HPSE2: variants seen among roughly 807,000 people sequenced by gnomAD.
HPSE2 encodes heparanase 2 (inactive).
A neutral mutation model predicts 60.5 loss-of-function variants in HPSE2; 38 were observed. That is an observed-to-expected ratio of 0.63 (90% CI 0.48 to 0.82). HPSE2 has a LOEUF of 0.82. Ranked by LOEUF, HPSE2 falls within the 40% of genes least tolerant of loss-of-function variation. HPSE2 has a pLI of 0.00. For synonymous variants in HPSE2, 295 were observed against 293.2 expected (o/e 1.01, Z -0.06); for missense variants, 713 against 740.4 (o/e 0.96, Z 0.43).
At chr10:99,313,889 G>A in the HPSE2 span, among the ~76,000 whole-genome samples, 8 of 151,884 alleles carry the variant, frequency 5.3e-5, no homozygotes, top group South Asian at 1.0e-3. Flanking sequence ...ATGAGTCACC[G>A]CGCCCAGCTG....
intron 3 of HPSE2, among the ~76,000 whole-genome samples, chr10:98,834,818 C>G (rs941659785): frequency 3.3e-5 from 5 of 151,338 alleles, no homozygotes; most frequent in African/African-American, 1.2e-4. Flanking sequence ...TTCTATTAGG[C>G]CAGGCTTTAA....
At chr10:99,046,536 C>A in intron 3 of HPSE2, among the ~76,000 whole-genome samples, 1 of 152,048 alleles carries the variant, frequency 6.6e-6, no homozygotes. Context: ...AGACATCAAA[C>A]TCTCTCTCTT....
intron 9 of HPSE2, among the ~76,000 whole-genome samples, chr10:98,589,779 A>G (rs1248646032): frequency 6.6e-6 from 1 of 152,212 alleles, no homozygotes; most frequent in Non-Finnish European, 1.5e-5. Flanking sequence ...GTAACTTCAC[A>G]CTGTTAACAC....
At chr10:98,747,624 T>C (rs887555548) in intron 3 of HPSE2, among the ~76,000 whole-genome samples, 1 of 152,182 alleles carries the variant, frequency 6.6e-6, no homozygotes, top group Non-Finnish European at 1.5e-5. Context: ...TCTTTAAGAA[T>C]AAGTTTAAGT....
chr10:98,749,947 T>TATATATATATATATATATACACACAC, intron 3 of HPSE2, among the ~76,000 whole-genome samples: 1,844 of 98,296 alleles, frequency 0.019, 32 homozygotes, highest in Middle Eastern at 0.032. Flanking sequence ...TATATATATA[T>TATATATATATATATATATACACACAC]ACACACACAC....
intron 3 of HPSE2, among the ~76,000 whole-genome samples, chr10:99,022,390 T>C (rs1052461355): frequency 1.3e-5 from 2 of 152,072 alleles, no homozygotes; most frequent in African/African-American, 4.8e-5. Context: ...GCACTCTGTG[T>C]CTCCAAATAA....
intron 2 of HPSE2, among the ~76,000 whole-genome samples, chr10:99,179,627 A>T (rs1174430580): frequency 6.6e-6 from 1 of 152,178 alleles, no homozygotes; most frequent in East Asian, 1.9e-4. Context: ...ACAAATGGAA[A>T]AACATTCCAT....
chr10:99,285,274 G>GA, the HPSE2 span, among the ~76,000 whole-genome samples: 4 of 147,428 alleles, frequency 2.7e-5, no homozygotes, highest in African/African-American at 5.0e-5. Flanking sequence ...ACAAAAAAAG[G>GA]AAAAAAAAAT....
At chr10:99,163,361 TAA>T (rs1376240788) in intron 2 of HPSE2, among the ~76,000 whole-genome samples, 1 of 152,148 alleles carries the variant, frequency 6.6e-6, no homozygotes, top group African/African-American at 2.4e-5. Context: ...TTTAAAGAAA[TAA>T]AATAGTTCAA....
intron 3 of HPSE2, among the ~76,000 whole-genome samples, chr10:99,058,619 T>C (rs2135517600): frequency 6.6e-6 from 1 of 152,342 alleles, no homozygotes; most frequent in Admixed American, 6.5e-5. Context: ...ACTGAGATCC[T>C]CAGCTCTTTC....
intron 3 of HPSE2, among the ~76,000 whole-genome samples, chr10:99,045,911 A>G (rs1206893022): frequency 6.6e-6 from 1 of 152,192 alleles, no homozygotes; most frequent in African/African-American, 2.4e-5. Flanking sequence ...CAGATGTACA[A>G]AGAAGAACTG....
At chr10:98,578,320 T>G (rs1035082309) in intron 9 of HPSE2, among the ~76,000 whole-genome samples, 2 of 152,172 alleles carry the variant, frequency 1.3e-5, no homozygotes, top group Non-Finnish European at 2.9e-5. Flanking sequence ...CCCAGTCTTT[T>G]GGATGGGGAC....
chr10:99,301,265 T>G, the HPSE2 span, among the ~76,000 whole-genome samples: 1 of 152,198 alleles, frequency 6.6e-6, no homozygotes, highest in South Asian at 2.1e-4. Flanking sequence ...TTAAGGGAAC[T>G]ACAGTAAACT....
intron 3 of HPSE2, among the ~76,000 whole-genome samples, chr10:98,834,001 CCAAAT>C (rs1951737905): frequency 6.6e-6 from 1 of 151,868 alleles, no homozygotes; most frequent in Non-Finnish European, 1.5e-5. Flanking sequence ...TTTAAAGGTA[CCAAAT>C]ACCTTTAAAA....
chr10:98,580,212 G>A (rs1353573343), intron 9 of HPSE2, among the ~76,000 whole-genome samples: 1 of 152,066 alleles, frequency 6.6e-6, no homozygotes, highest in East Asian at 1.9e-4. Flanking sequence ...TCAGTGATGT[G>A]TTTACATGTG....
intron 9 of HPSE2, among the ~76,000 whole-genome samples, chr10:98,520,251 G>A (rs979973401): frequency 6.6e-6 from 1 of 152,180 alleles, no homozygotes; most frequent in African/African-American, 2.4e-5. Flanking sequence ...GTGGGGACAT[G>A]TTTTCTATGC....
At position 98,609,183 on chromosome 10, in the gene HPSE2, C is replaced by T. The variant is rs142543273; in HGVS notation, c.1320+5721G>A. ...CTTGATGCCCCATGCCTGTCCTCCA[C>T]CCAGTATGACTTCTGTACTCCTCTT... is the stretch of plus-strand genomic sequence containing the variant. On this transcript the variant is annotated intron_variant, in intron 9 of 11. Transcript: ENST00000370552. 1.3e-3 allele frequency among the ~76,000 whole-genome samples: 205 copies of T among 152,294 alleles called. 2 individuals carry two copies. The highest frequency in any genetic ancestry group is 4.7e-3 in the African/African-American group (194 of 41,556).
intron 3 of HPSE2, among the ~76,000 whole-genome samples, chr10:98,936,833 G>C (rs1589390890): frequency 7.1e-6 from 1 of 140,802 alleles, no homozygotes; most frequent in East Asian, 2.0e-4. Context: ...ACAAAAATTA[G>C]CTGGGCGTGG....
At chr10:99,248,479 T>G in the HPSE2 span, among the ~76,000 whole-genome samples, 1 of 152,232 alleles carries the variant, frequency 6.6e-6, no homozygotes, top group Non-Finnish European at 1.5e-5. Context: ...CCTGGCTGTT[T>G]CTAGTAGCCT....
Sources: allele counts gnomAD v4.1 joint callset (sites outside exome capture counted in the v4.1 genomes callset), GRCh38; gene constraint gnomAD v4.1.1; transcripts MANE v1.5; gene names NCBI Gene and HGNC (gene_info 2026-07-23, HGNC 2026-07-21).